Variants in SNX14 observed in about 807,000 individuals in gnomAD.
The protein encoded by SNX14 is sorting nexin-14.
SNX14 carries 93 observed loss-of-function variants against 133.8 expected under a neutral mutation model. That is an observed-to-expected ratio of 0.70 (90% CI 0.59 to 0.83). The LOEUF (loss-of-function observed/expected upper bound fraction) is 0.83, where lower values mean the gene tolerates loss of function less well. Ranked by LOEUF, SNX14 falls within the 40% of genes least tolerant of loss-of-function variation. The probability of loss-of-function intolerance (pLI) is 0.00; values close to 1 mark genes in which losing one functional copy is unlikely to be tolerated. For missense variants in SNX14, 945 were observed against 1,094.9 expected (o/e 0.86, Z 1.93); for synonymous variants, 368 against 365.6 (o/e 1.01, Z -0.07).
chr6:85,549,967 C>A, intron 7 of SNX14, 88 bp from the exon 8 acceptor site: 3 of 1,207,138 alleles, frequency 2.5e-6, no homozygotes, highest in Non-Finnish European at 3.4e-6. Flanking sequence ...AGAGCATGGG[C>A]TGGGCGTGGT....
chr6:85,516,723 C>T (rs1049052461), intron 23 of SNX14, among the ~76,000 whole-genome samples: 3 of 150,884 alleles, frequency 2.0e-5, no homozygotes, highest in African/African-American at 7.4e-5. Flanking sequence ...CTGCAACCTC[C>T]ACCTCCCAGG....
At chr6:85,514,724 T>A in intron 23 of SNX14, 95 bp from the exon 24 acceptor site, 1 of 1,290,274 alleles carries the variant, frequency 7.8e-7, no homozygotes, top group Admixed American at 2.1e-5. Context: ...CAAAGGCATT[T>A]AAACTTTTTC....
chr6:85,584,652 T>A (rs1800087549), intron 1 of SNX14, among the ~76,000 whole-genome samples: 1 of 152,094 alleles, frequency 6.6e-6, no homozygotes, highest in African/African-American at 2.4e-5. Context: ...GAAAAAAAGC[T>A]CATCATCACG....
intron 1 of SNX14, among the ~76,000 whole-genome samples, chr6:85,582,374 T>G (rs183933922): frequency 4.6e-5 from 7 of 151,882 alleles, no homozygotes; most frequent in Admixed American, 4.6e-4. Flanking sequence ...AGTTCTTCAA[T>G]CTGAAAGAAA....
At chr6:85,522,921 G>A (rs148593992) in intron 21 of SNX14, among the ~76,000 whole-genome samples, 25 of 152,164 alleles carry the variant, frequency 1.6e-4, no homozygotes, top group Middle Eastern at 3.4e-3. Context: ...ATCTCCTGCC[G>A]ATTTCTATTA....
At chr6:85,578,224 G>C (rs753325422) in intron 1 of SNX14, among the ~76,000 whole-genome samples, 1 of 152,090 alleles carries the variant, frequency 6.6e-6, no homozygotes, top group African/African-American at 2.4e-5. Flanking sequence ...ATAAATGAGA[G>C]AAATGTCTCT....
chr6:85,508,025 C>T lies in SNX14; in HGVS notation c.2688G>A (p.Lys896=), dbSNP rs754304184. The T allele has an allele frequency of 1.3e-5, 21 of 1,612,934 alleles. No individual in the cohort carries two copies. The highest frequency in any genetic ancestry group is 1.8e-5 in the Non-Finnish European group (21 of 1,179,448). Residue 896 remains lysine (K), a synonymous_variant, in exon 27 of 29, where the codon AAG becomes AAA. Transcript: ENST00000314673. The stretch of plus-strand genomic sequence containing the variant: ...CAAACAGAAGTCTGATGCTTTCATA[C>T]TTGGTTTCTTCACCAATACACTTGA... The part of the protein sequence containing the change: ...LLVKCIGEET[K]YESIRLLFDG...
chr6:85,512,030 C>T (rs1454637562), intron 26 of SNX14, among the ~76,000 whole-genome samples: 2 of 152,154 alleles, frequency 1.3e-5, no homozygotes, highest in East Asian at 3.9e-4. Flanking sequence ...ACATGCTTCT[C>T]AGGCCCCCCT....
At chr6:85,522,915 C>T (rs771972741) in intron 21 of SNX14, among the ~76,000 whole-genome samples, 2 of 152,176 alleles carry the variant, frequency 1.3e-5, no homozygotes, top group Non-Finnish European at 2.9e-5. Context: ...TTATCTATCT[C>T]CTGCCGATTT....
intron 15 of SNX14, among the ~76,000 whole-genome samples, chr6:85,541,690 C>T (rs991991951): frequency 2.0e-5 from 3 of 152,166 alleles, no homozygotes; most frequent in Admixed American, 6.6e-5. Context: ...TCTGTGGATG[C>T]CACTTATGCA....
chr6:85,543,321 C>A lies in SNX14; in HGVS notation c.1265-15G>T, dbSNP rs142041436. 5.0e-5 allele frequency: 77 copies of A among 1,548,302 alleles called. No individual in the cohort carries two copies. In the Admixed American group the frequency reaches 1.7e-3, roughly 34 times the overall value. ...GCCTTCAGCAACTATTAAAAAAATTCTACTGTAGAAATTATTTATAAATAG... is the reference window on the plus strand; with the variant it reads ...GCCTTCAGCAACTATTAAAAAAATTATACTGTAGAAATTATTTATAAATAG... On this transcript the variant is annotated splice_polypyrimidine_tract_variant and intron_variant, in intron 13 of 28. Coordinates refer to ENST00000314673, the MANE Select transcript of SNX14 (RefSeq NM_153816.6).
intron 21 of SNX14, among the ~76,000 whole-genome samples, chr6:85,523,333 G>A (rs563138956): frequency 1.3e-5 from 2 of 152,170 alleles, no homozygotes; most frequent in African/African-American, 4.8e-5. Context: ...AGCAGGAGGA[G>A]GATGGGAATC....
intron 12 of SNX14, among the ~76,000 whole-genome samples, chr6:85,544,171 G>A (rs1051563905): frequency 4.6e-5 from 7 of 151,996 alleles, no homozygotes; most frequent in South Asian, 4.1e-4. Context: ...TATCATGAAC[G>A]CTGCAAACTA....
chr6:85,546,965 C>CAAA (rs375373506), intron 12 of SNX14, 147 bp downstream of exon 12: 206 of 392,528 alleles, frequency 5.2e-4, no homozygotes, highest in South Asian at 7.6e-4. Context: ...CCGCCTCAAA[C>CAAA]AAAAAAAAAA....
intron 1 of SNX14, among the ~76,000 whole-genome samples, chr6:85,588,434 G>A (rs954291529): frequency 3.3e-5 from 5 of 151,760 alleles, no homozygotes; most frequent in East Asian, 3.9e-4. Context: ...AAAATTAGCC[G>A]GGCGCGGTGG....
At chr6:85,568,347 G>A (rs1794536675) in intron 4 of SNX14, 2 of 152,200 alleles carry the variant, frequency 1.3e-5, no homozygotes, top group Non-Finnish European at 2.9e-5. Flanking sequence ...TCAAAATTAG[G>A]TGTTAGTGGT....
chr6:85,507,381 C>T, intron 27 of SNX14, 92 bp from the exon 28 acceptor site: 2 of 1,057,454 alleles, frequency 1.9e-6, no homozygotes, highest in Non-Finnish European at 2.8e-6. Context: ...ATTGTGGTTA[C>T]CTCTAAGTGG....
At chr6:85,551,883 C>A (rs1179622146) in intron 7 of SNX14, among the ~76,000 whole-genome samples, 1 of 152,104 alleles carries the variant, frequency 6.6e-6, no homozygotes, top group East Asian at 1.9e-4. Flanking sequence ...TTCTTTTAGA[C>A]CTGGCAATAA....
intron 1 of SNX14, among the ~76,000 whole-genome samples, chr6:85,574,815 A>G (rs1796800341): frequency 6.6e-6 from 1 of 151,692 alleles, no homozygotes; most frequent in Non-Finnish European, 1.5e-5. Context: ...TGCATGGAAA[A>G]CACAGTCTAG....
Sources: allele counts gnomAD v4.1 joint callset (sites outside exome capture counted in the v4.1 genomes callset), GRCh38; gene constraint gnomAD v4.1.1; transcripts MANE v1.5; gene names NCBI Gene and HGNC (gene_info 2026-07-23, HGNC 2026-07-21).